GABRB1: variants seen among roughly 807,000 people sequenced by gnomAD.
The protein encoded by GABRB1 is gamma-aminobutyric acid receptor subunit beta-1.
A neutral mutation model predicts 51.6 loss-of-function variants in GABRB1; 17 were observed. That is an observed-to-expected ratio of 0.33 (90% CI 0.23 to 0.49). The LOEUF (loss-of-function observed/expected upper bound fraction) is 0.49, where lower values mean the gene tolerates loss of function less well. GABRB1 is among the 20% of genes least tolerant of loss of function. The pLI is 0.99. For synonymous variants in GABRB1, 247 were observed against 218.9 expected, an observed-to-expected ratio of 1.13 and a Z score of -1.14; for missense variants, 410 against 600.6, an observed-to-expected ratio of 0.68 and a Z score of 3.32.
chr4:47,250,437 G>T (rs1387610228), intron 4 of GABRB1, among the ~76,000 whole-genome samples: 1 of 152,174 alleles, frequency 6.6e-6, no homozygotes, highest in Non-Finnish European at 1.5e-5. Context: ...CCTAGGCAAA[G>T]ATCTTTTTGT....
rs558947959 is a variant in GABRB1 at position 47,410,118 on chromosome 4, G to A, written c.1080+3192G>A. On this transcript the variant is annotated intron_variant, in intron 8 of 8. Transcript: ENST00000295454. ...TTTAAATTTTGAATTAAAGGAGAAC[G>A]AATAAAGAAATTCCTCAACTGTCAG... Among the ~76,000 whole-genome samples, 14 of 152,230 alleles carry A rather than the reference G, an allele frequency of 9.2e-5. No homozygotes were observed. In the South Asian group the frequency reaches 1.2e-3, roughly 14 times the overall value.
intron 3 of GABRB1, among the ~76,000 whole-genome samples, chr4:47,093,630 G>A (rs1057175826): frequency 1.4e-4 from 21 of 152,228 alleles, no homozygotes; most frequent in South Asian, 6.2e-4. Flanking sequence ...CTACTTAATC[G>A]AAATAGCAAG....
chr4:47,347,303 T>A (rs964699869), intron 5 of GABRB1, among the ~76,000 whole-genome samples: 1 of 151,474 alleles, frequency 6.6e-6, no homozygotes, highest in Non-Finnish European at 1.5e-5. Context: ...ATAATAATAA[T>A]TAATAATAAT....
intron 4 of GABRB1, among the ~76,000 whole-genome samples, chr4:47,208,177 A>G (rs1253547252): frequency 6.6e-6 from 1 of 152,086 alleles, no homozygotes; most frequent in African/African-American, 2.4e-5. Flanking sequence ...AAGTTCTTAT[A>G]TATGCAACAG....
chr4:47,279,611 A>ATTAT (rs1347731542), intron 4 of GABRB1, among the ~76,000 whole-genome samples: 1 of 152,098 alleles, frequency 6.6e-6, no homozygotes, highest in Non-Finnish European at 1.5e-5. Flanking sequence ...ATATATATTT[A>ATTAT]TAATTGCTAT....
chr4:47,349,515 T>G (rs1447057462), intron 5 of GABRB1, among the ~76,000 whole-genome samples: 1 of 152,120 alleles, frequency 6.6e-6, no homozygotes, highest in Admixed American at 6.5e-5. Flanking sequence ...AATTCATCAG[T>G]TTTTAATGTC....
chr4:47,357,719 C>G (rs1231905528), intron 5 of GABRB1, among the ~76,000 whole-genome samples: 1 of 152,164 alleles, frequency 6.6e-6, no homozygotes, highest in Non-Finnish European at 1.5e-5. Context: ...GTTCAGAGAG[C>G]TGCAGTGAGG....
At chr4:47,187,594 G>T (rs528262414) in intron 4 of GABRB1, among the ~76,000 whole-genome samples, 5 of 151,932 alleles carry the variant, frequency 3.3e-5, no homozygotes, top group African/African-American at 4.8e-5. Context: ...ATCCTCCCAT[G>T]CCGACTCCCT....
At chr4:47,271,090 T>C (rs1722858719) in intron 4 of GABRB1, among the ~76,000 whole-genome samples, 1 of 152,118 alleles carries the variant, frequency 6.6e-6, no homozygotes, top group Non-Finnish European at 1.5e-5. Flanking sequence ...TTTTCTGACA[T>C]GTCATCAACA....
At chr4:47,153,745 G>C (rs531115185) in intron 3 of GABRB1, among the ~76,000 whole-genome samples, 1 of 152,106 alleles carries the variant, frequency 6.6e-6, no homozygotes, top group African/African-American at 2.4e-5. Context: ...TTCAGTCATT[G>C]GGTTGATTAA....
At chr4:47,324,374 G>T (rs887018236) in intron 5 of GABRB1, among the ~76,000 whole-genome samples, 26 of 152,082 alleles carry the variant, frequency 1.7e-4, no homozygotes, top group African/African-American at 6.3e-4. Context: ...TGAGCTCTCA[G>T]ATCCTCAATC....
At chr4:47,330,601 C>T (rs1725443143) in intron 5 of GABRB1, among the ~76,000 whole-genome samples, 1 of 152,090 alleles carries the variant, frequency 6.6e-6, no homozygotes, top group Admixed American at 6.6e-5. Context: ...GACACTTCAA[C>T]TAATAAGAAA....
At chr4:47,234,556 A>G (rs1169712596) in intron 4 of GABRB1, among the ~76,000 whole-genome samples, 3 of 151,808 alleles carry the variant, frequency 2.0e-5, no homozygotes, top group Admixed American at 1.3e-4. Flanking sequence ...TTCCTTTACC[A>G]TCGCTTCATT....
chr4:47,348,670 G>T (rs1726193006), intron 5 of GABRB1, among the ~76,000 whole-genome samples: 1 of 152,170 alleles, frequency 6.6e-6, no homozygotes, highest in Non-Finnish European at 1.5e-5. Flanking sequence ...TCCAGATTTT[G>T]TAGAAGTTTT....
At chr4:47,025,444 GGTATT>G (rs1336448801) in intron 1 of GABRB1, among the ~76,000 whole-genome samples, 1 of 151,732 alleles carries the variant, frequency 6.6e-6, no homozygotes, top group Non-Finnish European at 1.5e-5. Flanking sequence ...GGAGTAAGGC[GGTATT>G]GTATTGTGAT....
chr4:47,227,763 T>C (rs186111281), intron 4 of GABRB1, among the ~76,000 whole-genome samples: 8 of 152,238 alleles, frequency 5.3e-5, no homozygotes, highest in Admixed American at 5.2e-4. Context: ...CTTCACACAG[T>C]TCTGGAGGCT....
intron 8 of GABRB1, among the ~76,000 whole-genome samples, chr4:47,408,228 G>C (rs4336202): frequency 0.3 from 45,608 of 152,108 alleles, 7,317 homozygotes; most frequent in Middle Eastern, 0.38. Context: ...TAATGAGAAA[G>C]AGCTAACCAT....
chr4:47,264,400 C>T (rs1722567844), intron 4 of GABRB1, among the ~76,000 whole-genome samples: 1 of 152,182 alleles, frequency 6.6e-6, no homozygotes, highest in Non-Finnish European at 1.5e-5. Flanking sequence ...AAAGAGAAAG[C>T]AAGGAATTAA....
intron 5 of GABRB1, among the ~76,000 whole-genome samples, chr4:47,376,977 T>G (rs556775275): frequency 6.6e-6 from 1 of 152,336 alleles, no homozygotes; most frequent in Admixed American, 6.5e-5. Flanking sequence ...GCCCTTTATT[T>G]TAATACTTTT....
Sources: allele counts gnomAD v4.1 joint callset (sites outside exome capture counted in the v4.1 genomes callset), GRCh38; gene constraint gnomAD v4.1.1; transcripts MANE v1.5; gene names NCBI Gene and HGNC (gene_info 2026-07-23, HGNC 2026-07-21).